The following HOMER2 variants were observed in gnomAD, a reference collection of about 807,000 sequenced individuals.
HOMER2 encodes homer protein homolog 2.
HOMER2 carries 27 observed loss-of-function variants against 47.0 expected under a neutral mutation model. The ratio of observed to expected loss-of-function variants is 0.57; its 90% CI spans 0.42 to 0.79. The LOEUF (loss-of-function observed/expected upper bound fraction) is 0.79. Ranked by LOEUF, HOMER2 falls within the 30% of genes least tolerant of loss-of-function variation. The probability of loss-of-function intolerance (pLI) is 0.00; values close to 1 mark genes in which losing one functional copy is unlikely to be tolerated. For synonymous variants in HOMER2, 161 were observed against 163.8 expected (o/e 0.98, Z 0.13); for missense variants, 443 against 435.0 (o/e 1.02, Z -0.16).
At chr15:82,966,988 T>C (rs1010471217) in intron 1 of HOMER2, among the ~76,000 whole-genome samples, 35 of 152,300 alleles carry the variant, frequency 2.3e-4, no homozygotes, top group Admixed American at 1.8e-3. Context: ...CTGGATACGG[T>C]GGCTCACACC....
chr15:82,848,375 C>A (rs1268533774), downstream of HOMER2, among the ~76,000 whole-genome samples: 1 of 152,140 alleles, frequency 6.6e-6, no homozygotes, highest in Non-Finnish European at 1.5e-5. Flanking sequence ...CTGCTCAAGG[C>A]ATTTAGAGAT....
chr15:82,866,918 C>G (rs954051703), intron 3 of HOMER2, among the ~76,000 whole-genome samples: 1 of 152,084 alleles, frequency 6.6e-6, no homozygotes, highest in African/African-American at 2.4e-5. Context: ...TATACCCTAT[C>G]AGATACATTT....
intron 1 of HOMER2, among the ~76,000 whole-genome samples, chr15:82,910,003 T>C (rs918584103): frequency 6.6e-6 from 1 of 151,588 alleles, no homozygotes; most frequent in Non-Finnish European, 1.5e-5. Context: ...CATGGTGGTG[T>C]GTGCCTGTAA....
intron 1 of HOMER2, among the ~76,000 whole-genome samples, chr15:82,916,132 C>T (rs1159249926): frequency 6.6e-6 from 1 of 152,112 alleles, no homozygotes; most frequent in East Asian, 1.9e-4. Flanking sequence ...AACTTCTTGC[C>T]TCAGAGGAAA....
chr15:82,945,295 G>A (rs2054351792), intron 1 of HOMER2, among the ~76,000 whole-genome samples: 1 of 151,794 alleles, frequency 6.6e-6, no homozygotes, highest in Non-Finnish European at 1.5e-5. Context: ...ATAAGATTTA[G>A]CAAAATGACA....
chr15:82,902,234 G>C lies in HOMER2; in HGVS notation c.6-9393C>G, dbSNP rs1373648738. ...TTTTTTTGAGACCGAGTCTCTCTCT[G>C]TCACCCAGGCTGTAATGCAGTGGTG... On this transcript the variant is annotated intron_variant, in intron 1 of 8. Coordinates refer to ENST00000450735, the MANE Select transcript of HOMER2 (RefSeq NM_004839.4). 3.7e-5 allele frequency among the ~76,000 whole-genome samples: 5 copies of C among 135,402 alleles called. No homozygotes were observed. In the Admixed American group the frequency reaches 4.1e-4, roughly 11 times the overall value. 88.8% of individuals were successfully genotyped at this position (135,402 alleles called of 152,430 possible). A position where few individuals can be genotyped will look rare whatever the true frequency, so the allele number is the denominator to read the frequency against.
At chr15:82,855,203 G>A (rs2051536301) in intron 5 of HOMER2, among the ~76,000 whole-genome samples, 1 of 151,510 alleles carries the variant, frequency 6.6e-6, no homozygotes, top group Admixed American at 6.6e-5. Flanking sequence ...GCGGGCGCCT[G>A]CAGTCTCAGC....
chr15:82,972,076 A>T (rs542338917), intron 1 of HOMER2, among the ~76,000 whole-genome samples: 2 of 152,232 alleles, frequency 1.3e-5, no homozygotes, highest in Admixed American at 6.5e-5. Flanking sequence ...AAATTCACCC[A>T]TTGTAAGTGT....
At chr15:82,854,830 G>A (rs1325107823) in intron 5 of HOMER2, 30 bp from the exon 6 acceptor site, 2 of 1,595,908 alleles carry the variant, frequency 1.3e-6, no homozygotes, top group Non-Finnish European at 8.5e-7. Context: ...GGTGACGACG[G>A]GGTGGGTGCT....
chr15:82,874,466 G>A (rs1316892328), intron 3 of HOMER2, among the ~76,000 whole-genome samples: 1 of 152,194 alleles, frequency 6.6e-6, no homozygotes. Context: ...AAACTGCTGA[G>A]TAAGGCCTCT....
At chr15:82,869,450 CTTTTTTTTTTTT>C (rs71822678) in intron 3 of HOMER2, among the ~76,000 whole-genome samples, 7 of 70,240 alleles carry the variant, frequency 1.0e-4, no homozygotes, top group African/African-American at 1.8e-4. Context: ...TACTAAACAT[CTTTTTTTTTTTT>C]TTTTTTTTTT....
upstream of HOMER2, among the ~76,000 whole-genome samples, chr15:82,953,347 G>A (rs769827403): frequency 2.6e-5 from 4 of 152,140 alleles, no homozygotes; most frequent in Admixed American, 6.5e-5. Context: ...CAGTTTTAAG[G>A]CGGCTTCATC....
chr15:82,945,060 T>C (rs1249698804), intron 1 of HOMER2, among the ~76,000 whole-genome samples: 2 of 152,184 alleles, frequency 1.3e-5, no homozygotes, highest in East Asian at 3.8e-4. Context: ...GAATCCTTGA[T>C]GTTCTTACCA....
intron 5 of HOMER2, 101 bp downstream of exon 5, chr15:82,858,928 G>A (rs1444208356): frequency 2.1e-6 from 3 of 1,403,488 alleles, no homozygotes; most frequent in Admixed American, 2.3e-5. Context: ...GCAGGTCCCA[G>A]TTTTCTCTCC....
At chr15:82,843,517 A>AT (rs1406246712) in exon 2 of HOMER2, 2 of 146,620 alleles carry the variant, frequency 1.4e-5, no homozygotes, top group Non-Finnish European at 3.0e-5. Context: ...GGTAGCAACC[A>AT]TTAAAAAAAA....
At chr15:82,924,360 C>A (rs920175899) in intron 1 of HOMER2, among the ~76,000 whole-genome samples, 30 of 127,602 alleles carry the variant, frequency 2.4e-4, no homozygotes, top group Admixed American at 4.0e-4. Context: ...TGTGCTGGCC[C>A]TTTTTTTTTT....
chr15:82,907,807 G>T (rs1393640126), intron 1 of HOMER2, among the ~76,000 whole-genome samples: 1 of 152,062 alleles, frequency 6.6e-6, no homozygotes, highest in Non-Finnish European at 1.5e-5. Context: ...AATTAAACTA[G>T]AAATCAATTA....
intron 1 of HOMER2, among the ~76,000 whole-genome samples, chr15:82,914,911 C>T (rs1473581483): frequency 6.6e-6 from 1 of 152,118 alleles, no homozygotes; most frequent in Non-Finnish European, 1.5e-5. Context: ...GAGGTGGGCA[C>T]AGTGGCTCAC....
At chr15:82,930,728 A>G (rs1042631867) in intron 1 of HOMER2, among the ~76,000 whole-genome samples, 2 of 152,222 alleles carry the variant, frequency 1.3e-5, no homozygotes, top group Non-Finnish European at 2.9e-5. Context: ...GCTTTTCAGC[A>G]GAAAACTTGC....
Sources: gnomAD v4.1 joint callset for allele counts (sites outside exome capture counted in the v4.1 genomes callset) on GRCh38, gnomAD v4.1.1 for gene constraint, MANE v1.5 for transcripts, NCBI Gene and HGNC (gene_info 2026-07-23, HGNC 2026-07-21) for gene names.